The following CUBN variants were observed in gnomAD, a reference collection of about 807,000 sequenced individuals.
The protein encoded by CUBN is 460 kDa receptor.
In CUBN, 282 loss-of-function variants were observed where a neutral mutation model predicts 405.3. The ratio of observed to expected loss-of-function variants is 0.70; its 90% confidence interval spans 0.63 to 0.77. The LOEUF (loss-of-function observed/expected upper bound fraction) is 0.77, where lower values mean the gene tolerates loss of function less well. Among genes scored for constraint, CUBN ranks in the 30% least tolerant of loss-of-function variants. The pLI, the probability that CUBN is intolerant of heterozygous loss-of-function variation, is 0.00. For synonymous variants in CUBN, 1,684 were observed against 1,617.0 expected, an observed-to-expected ratio of 1.04 and a Z score of -0.99; for missense variants, 4,514 against 4,475.2, an observed-to-expected ratio of 1.01 and a Z score of -0.25.
At chr10:16,928,421 G>A in intron 40 of CUBN, 118 bp from the exon 41 acceptor site, 1 of 1,050,186 alleles carries the variant, frequency 9.5e-7, no homozygotes, top group Non-Finnish European at 1.4e-6. Flanking sequence ...ACTCGTAGGA[G>A]ATAATGGGAT....
At chr10:16,879,276 A>G (rs1840603279) in intron 56 of CUBN, among the ~76,000 whole-genome samples, 1 of 152,194 alleles carries the variant, frequency 6.6e-6, no homozygotes, top group Non-Finnish European at 1.5e-5. Flanking sequence ...GCGAAACGAA[A>G]CTTCATTGTG....
chr10:17,120,845 C>T (rs1837023413), intron 6 of CUBN, among the ~76,000 whole-genome samples: 3 of 152,178 alleles, frequency 2.0e-5, no homozygotes, highest in Admixed American at 2.0e-4. Flanking sequence ...CTCCAAAAGA[C>T]AGTGATGATA....
At chr10:16,841,960 A>G (rs1839366100) in intron 60 of CUBN, among the ~76,000 whole-genome samples, 1 of 148,072 alleles carries the variant, frequency 6.8e-6, no homozygotes, top group Non-Finnish European at 1.5e-5. Context: ...GGCCTTCCAG[A>G]TGTAAACTCT....
At chr10:16,880,134 T>A (rs1024768453) in intron 56 of CUBN, among the ~76,000 whole-genome samples, 1 of 152,204 alleles carries the variant, frequency 6.6e-6, no homozygotes, top group Non-Finnish European at 1.5e-5. Context: ...ACCAATGAAT[T>A]GCTCCTTTGT....
chr10:17,009,952 T>C (rs75401403), intron 28 of CUBN, among the ~76,000 whole-genome samples: 3,603 of 152,360 alleles, frequency 0.024, 101 homozygotes, highest in African/African-American at 0.067. Flanking sequence ...CTAGGGATAC[T>C]GTCTTTCTAC....
chr10:17,043,682 A>G, intron 26 of CUBN, 145 bp downstream of exon 26: 1 of 1,074,854 alleles, frequency 9.3e-7, no homozygotes, highest in Non-Finnish European at 1.4e-6. Flanking sequence ...CACTTATTTC[A>G]GTTTGTTTCA....
At chr10:17,009,680 G>C (rs1211039255) in intron 28 of CUBN, among the ~76,000 whole-genome samples, 1 of 152,188 alleles carries the variant, frequency 6.6e-6, no homozygotes, top group African/African-American at 2.4e-5. Context: ...CCCCACTGCA[G>C]ACCAACTGAA....
At chr10:17,067,974 T>A (rs1297993291) in intron 21 of CUBN, 90 bp downstream of exon 21, 3 of 980,466 alleles carry the variant, frequency 3.1e-6, no homozygotes, top group Non-Finnish European at 4.7e-6. Context: ...CTGGTTTTCA[T>A]AACACAACGT....
intron 24 of CUBN, among the ~76,000 whole-genome samples, chr10:17,045,528 T>G (rs1274538938): frequency 6.6e-6 from 1 of 151,694 alleles, no homozygotes; most frequent in Non-Finnish European, 1.5e-5. Context: ...TCCAGCTAAT[T>G]TTTGTATTTT....
chr10:16,831,220 G>A, intron 65 of CUBN, 32 bp downstream of exon 65: 1 of 1,606,972 alleles, frequency 6.2e-7, no homozygotes, highest in Non-Finnish European at 8.5e-7. Flanking sequence ...TTTTCTCACA[G>A]TGCTTTCCTG....
intron 13 of CUBN, among the ~76,000 whole-genome samples, chr10:17,100,696 C>T (rs773147018): frequency 3.0e-4 from 45 of 152,246 alleles, no homozygotes; most frequent in South Asian, 6.2e-4. Flanking sequence ...CATCACTGCC[C>T]GCCAGGGATG....
intron 16 of CUBN, among the ~76,000 whole-genome samples, chr10:17,085,134 C>G (rs1009672869): frequency 2.6e-5 from 4 of 152,150 alleles, no homozygotes; most frequent in Admixed American, 6.5e-5. Flanking sequence ...GGTATCAAAG[C>G]AACTGAGGTC....
At position 16,962,459 on chromosome 10, in the gene CUBN, G is replaced by A. The variant is rs368743066; in HGVS notation, c.4696-7911C>T. On this transcript the variant is annotated intron_variant, in intron 31 of 66. Transcript: ENST00000377833. The stretch of plus-strand genomic sequence containing the variant: ...CAACTGGAGATTGTAGGGGTGGGGG[G>A]TGGTAGGCAACTTCTGACCCAGCTC... Among the ~76,000 whole-genome samples the A allele has an allele frequency of 1.2e-3, 188 of 151,608 alleles. 1 individual carries two copies. The highest frequency in any genetic ancestry group is 4.0e-3 in the South Asian group (19 of 4,780).
At chr10:16,896,678 G>T (rs569435783) in intron 54 of CUBN, among the ~76,000 whole-genome samples, 1 of 152,204 alleles carries the variant, frequency 6.6e-6, no homozygotes, top group South Asian at 2.1e-4. Flanking sequence ...GGTTCACTCA[G>T]CTTCTTGAAC....
chr10:17,068,422 C>T lies in CUBN; in HGVS notation c.2792-142G>A, dbSNP rs544451191. 2.8e-5 allele frequency: 27 copies of T among 978,646 alleles called. No individual in the cohort carries two copies. The East Asian group carries it at 4.4e-4, about 16-fold the overall frequency. The allele number at this position is 978,646 out of a possible 1,614,324, so 60.6% of individuals were successfully genotyped here. ...CCACTTAAGATAACCTGATTTTTCT[C>T]TTATTAATAAGTAACAATTAACTTT... On this transcript the variant is annotated intron_variant, in intron 20 of 66. Transcript: ENST00000377833.
intron 27 of CUBN, among the ~76,000 whole-genome samples, chr10:17,022,933 T>A (rs1390930746): frequency 6.6e-6 from 1 of 152,216 alleles, no homozygotes; most frequent in African/African-American, 2.4e-5. Context: ...GATTTCTCCA[T>A]AACTATAATC....
chr10:17,041,614 G>GT (rs1280924341), intron 26 of CUBN, among the ~76,000 whole-genome samples: 2 of 151,926 alleles, frequency 1.3e-5, no homozygotes, highest in Non-Finnish European at 2.9e-5. Flanking sequence ...CTGTGCTGCT[G>GT]TTTTTTTAAT....
rs1257548402 is a variant in CUBN, at chr10:17,103,106, C to A, written c.1530+19G>T. 7.2e-7 allele frequency: 1 copy of A among 1,381,414 alleles called. No homozygotes were observed. Among genetic ancestry groups the A allele is most frequent in the Non-Finnish European group, 1.0e-6 (1 of 968,246 alleles). The allele number at this position is 1,381,414 out of a possible 1,614,324, so 85.6% of individuals were successfully genotyped here. On this transcript the variant is annotated intron_variant, in intron 13 of 66. Transcript: ENST00000377833. ...TATACAAATATAATATGCATTTGGG[C>A]AAGAGTTACTACATTTACCTTTCCC...
chr10:16,953,729 T>C (rs1842977111), intron 32 of CUBN, among the ~76,000 whole-genome samples: 1 of 152,006 alleles, frequency 6.6e-6, no homozygotes, highest in South Asian at 2.1e-4. Context: ...GGTGCACCTA[T>C]AGTCCCAGCT....
Sources: gnomAD v4.1 joint callset for allele counts (sites outside exome capture counted in the v4.1 genomes callset) on GRCh38, gnomAD v4.1.1 for gene constraint, MANE v1.5 for transcripts, NCBI Gene and HGNC (gene_info 2026-07-23, HGNC 2026-07-21) for gene names.